Variants in ABCC9 observed in about 807,000 individuals in gnomAD.
ABCC9 encodes ATP-binding cassette sub-family C member 9.
A neutral mutation model predicts 188.3 loss-of-function variants in ABCC9; 95 were observed. The ratio of observed to expected loss-of-function variants is 0.50; its 90% CI spans 0.43 to 0.60. The LOEUF is 0.60. Among genes scored for constraint, ABCC9 ranks in the 20% least tolerant of loss-of-function variants. ABCC9 has a pLI of 0.00. For synonymous variants in ABCC9, 659 were observed against 652.7 expected, an observed-to-expected ratio of 1.01 and a Z score of -0.15; for missense variants, 1,102 against 1,876.3, an observed-to-expected ratio of 0.59 and a Z score of 7.62.
At chr12:21,807,623 CAA>C in intron 37 of ABCC9, 144 bp from the exon 38 acceptor site, 2 of 1,110,404 alleles carry the variant, frequency 1.8e-6, no homozygotes, top group South Asian at 1.4e-5. Flanking sequence ...TACTGGAACA[CAA>C]AGAGGAACTC....
chr12:21,864,558 C>T (rs1945689667), intron 18 of ABCC9, 81 bp from the exon 19 acceptor site: 3 of 955,608 alleles, frequency 3.1e-6, no homozygotes, highest in South Asian at 2.6e-5. Context: ...GTAAGAGATA[C>T]AATAAACACT....
intron 3 of ABCC9, among the ~76,000 whole-genome samples, chr12:21,935,700 G>A (rs1949457808): frequency 6.6e-6 from 1 of 152,080 alleles, no homozygotes; most frequent in African/African-American, 2.4e-5. Flanking sequence ...ACAAGACCAG[G>A]AAATGGTGTG....
At chr12:21,904,323 C>A (rs983449360) in intron 12 of ABCC9, among the ~76,000 whole-genome samples, 31 of 152,116 alleles carry the variant, frequency 2.0e-4, no homozygotes, top group Admixed American at 1.0e-3. Context: ...ACCATAAAAA[C>A]CCTAGAAGAA....
At chr12:21,841,563 T>G (rs1209268866) in intron 29 of ABCC9, among the ~76,000 whole-genome samples, 1 of 151,864 alleles carries the variant, frequency 6.6e-6, no homozygotes, top group Non-Finnish European at 1.5e-5. Flanking sequence ...TTCACCATGT[T>G]GGTCAGGCTG....
intron 21 of ABCC9, among the ~76,000 whole-genome samples, chr12:21,860,420 AAC>A (rs1945446153): frequency 6.6e-6 from 1 of 152,214 alleles, no homozygotes; most frequent in South Asian, 2.1e-4. Flanking sequence ...TAACACCCAT[AAC>A]ACAGATTTGT....
chr12:21,843,523 G>T (rs957269026), intron 28 of ABCC9, among the ~76,000 whole-genome samples: 6 of 152,114 alleles, frequency 3.9e-5, no homozygotes, highest in Non-Finnish European at 7.4e-5. Flanking sequence ...GTTTTTATAG[G>T]TTTTATTGTT....
At chr12:21,933,660 A>C in intron 4 of ABCC9, 122 bp downstream of exon 4, 1 of 1,107,166 alleles carries the variant, frequency 9.0e-7, no homozygotes, top group Non-Finnish European at 1.3e-6. Flanking sequence ...CAAGAGCTAC[A>C]TGGATCAGAG....
At chr12:21,886,613 A>G (rs1307756236) in intron 15 of ABCC9, among the ~76,000 whole-genome samples, 1 of 152,184 alleles carries the variant, frequency 6.6e-6, no homozygotes, top group Non-Finnish European at 1.5e-5. Context: ...TTTTAAAAAT[A>G]TAAACAAAAA....
At chr12:21,866,423 C>T (rs1565757459) in intron 18 of ABCC9, among the ~76,000 whole-genome samples, 1 of 152,170 alleles carries the variant, frequency 6.6e-6, no homozygotes, top group Non-Finnish European at 1.5e-5. Context: ...TCAGTCAAGT[C>T]ACCTATAATC....
At chr12:21,904,088 C>T (rs377217754) in intron 12 of ABCC9, among the ~76,000 whole-genome samples, 2 of 152,080 alleles carry the variant, frequency 1.3e-5, no homozygotes, top group African/African-American at 2.4e-5. Flanking sequence ...GAGATATAGA[C>T]CAATGGAACA....
chr12:21,845,383 A>G (rs1209640741), intron 26 of ABCC9, among the ~76,000 whole-genome samples: 3 of 152,146 alleles, frequency 2.0e-5, no homozygotes, highest in Non-Finnish European at 2.9e-5. Context: ...TTATATTTAA[A>G]TATTTCTTAT....
intron 17 of ABCC9, among the ~76,000 whole-genome samples, chr12:21,873,794 T>C (rs1946197109): frequency 6.6e-6 from 1 of 150,720 alleles, no homozygotes; most frequent in Non-Finnish European, 1.5e-5. Context: ...CAGCAAGGGG[T>C]TTCAACAAAC....
chr12:21,889,305 A>G (rs913054983), intron 14 of ABCC9, among the ~76,000 whole-genome samples: 1 of 151,992 alleles, frequency 6.6e-6, no homozygotes, highest in Non-Finnish European at 1.5e-5. Flanking sequence ...CTGACCACAT[A>G]GACTTGAAAA....
chr12:21,827,109 TG>T (rs887728369), intron 31 of ABCC9: 1 of 985,084 alleles, frequency 1.0e-6, no homozygotes, highest in Non-Finnish European at 1.2e-6. Flanking sequence ...CTTTTTCACG[TG>T]GGGGTTAAAG....
intron 12 of ABCC9, among the ~76,000 whole-genome samples, chr12:21,898,321 ATC>A (rs1174359270): frequency 3.3e-5 from 5 of 152,184 alleles, no homozygotes; most frequent in African/African-American, 1.2e-4. Flanking sequence ...GGCTACATCC[ATC>A]CTTCTTATGA....
intron 7 of ABCC9, among the ~76,000 whole-genome samples, chr12:21,914,259 A>G (rs1287899967): frequency 6.6e-6 from 1 of 152,220 alleles, no homozygotes; most frequent in Non-Finnish European, 1.5e-5. Context: ...TTTAAATGGC[A>G]ATGATATTTG....
intron 21 of ABCC9, among the ~76,000 whole-genome samples, chr12:21,859,876 T>C (rs1945418340): frequency 6.6e-6 from 1 of 152,152 alleles, no homozygotes; most frequent in Non-Finnish European, 1.5e-5. Context: ...GCTGATATGG[T>C]TAATCTTCCT....
rs200350065 is a variant in ABCC9 at position 21,815,792 on chromosome 12, C to T, written c.3994G>A (p.Val1332Ile). 8.1e-6 allele frequency: 13 copies of T among 1,612,986 alleles called. No homozygotes were observed. The highest frequency in any genetic ancestry group is 2.2e-5 in the East Asian group (1 of 44,794). Residue 1332 changes from valine (V) to isoleucine (I), a missense_variant, in exon 34 of 40, where the codon GTC becomes ATC. This residue lies in a region of ABCC9 where 143 missense variants were observed against 225.6 expected (regional missense o/e 0.63). Transcript: ENST00000261200. ...ENNLKPVLKH[V>I]KAYIKPGQKV... ...TGTCCAGGTTTGATGTAAGCCTTGA[C>T]GTGCTTAAGAACAGGTTTCAGATTA...
chr12:21,830,853 C>G, intron 30 of ABCC9, among the ~76,000 whole-genome samples: 1 of 152,134 alleles, frequency 6.6e-6, no homozygotes, highest in East Asian at 1.9e-4. Flanking sequence ...TGGGACTAAG[C>G]AGTCCAAGCT....
Sources: allele counts gnomAD v4.1 joint callset (sites outside exome capture counted in the v4.1 genomes callset), GRCh38; gene constraint gnomAD v4.1.1; regional missense constraint gnomAD v4.1.1; transcripts MANE v1.5; gene names NCBI Gene and HGNC (gene_info 2026-07-23, HGNC 2026-07-21).